The following RAP2A variants were observed in gnomAD, a reference collection of about 807,000 sequenced individuals.
The protein encoded by RAP2A is ras-related protein Rap-2a.
In RAP2A, 5 loss-of-function variants were observed where a neutral mutation model predicts 15.1. That is an observed-to-expected ratio of 0.33 (90% CI 0.17 to 0.70). The LOEUF (loss-of-function observed/expected upper bound fraction) is 0.70, where lower values mean the gene tolerates loss of function less well. Among genes scored for constraint, RAP2A ranks in the 30% least tolerant of loss-of-function variants. The pLI is 0.68. For synonymous variants in RAP2A, 110 were observed against 99.7 expected (o/e 1.10, Z -0.62); for missense variants, 111 against 240.3 (o/e 0.46, Z 3.56).
rs2066782028 is a variant in RAP2A, at chr13:97,468,452, C to T, written c.*4010C>T. The T allele has an allele frequency of 6.6e-6, 1 of 152,200 alleles. No homozygotes were observed. Among genetic ancestry groups the T allele is most frequent in the South Asian group, 2.1e-4 (1 of 4,828 alleles). 9.4% of individuals were successfully genotyped at this position (152,200 alleles called of 1,614,324 possible). A position where few individuals can be genotyped will look rare whatever the true frequency, so the allele number is the denominator to read the frequency against. On this transcript the variant is annotated 3_prime_UTR_variant, in exon 2 of 2. Coordinates refer to ENST00000245304, the MANE Select transcript of RAP2A (RefSeq NM_021033.7). ...TAGGGCCTGCTTGTTCTATATGGGG[C>T]CCTATGAAAGTTGACAGATGCTGTT...
At chr13:97,455,358 A>T (rs1389477606) in intron 1 of RAP2A, among the ~76,000 whole-genome samples, 1 of 151,578 alleles carries the variant, frequency 6.6e-6, no homozygotes, top group Non-Finnish European at 1.5e-5. Context: ...TAATTTCAGC[A>T]TCTAGGTCAT....
chr13:97,435,658 G>A (rs923125990), intron 1 of RAP2A, among the ~76,000 whole-genome samples: 1 of 151,942 alleles, frequency 6.6e-6, no homozygotes. Context: ...GATTTAAAAT[G>A]TTTGTTTTCT....
chr13:97,458,019 C>T (rs2066730918), intron 1 of RAP2A, among the ~76,000 whole-genome samples: 1 of 152,110 alleles, frequency 6.6e-6, no homozygotes, highest in South Asian at 2.1e-4. Context: ...CTTTTTAACA[C>T]TAACATTTAA....
chr13:97,436,862 T>A (rs1390451942), intron 1 of RAP2A, among the ~76,000 whole-genome samples: 2 of 152,204 alleles, frequency 1.3e-5, no homozygotes, highest in East Asian at 3.8e-4. Context: ...AAGAACCTCT[T>A]GGACCCTCAC....
At position 97,462,074 on chromosome 13, in the gene RAP2A, T is replaced by C. The variant is rs867258870; in HGVS notation, c.315-2131T>C. ...TATATTTATATATATATTTATATAT[T>C]ATATATATTGTATTTAAACATTCTT... On this transcript the variant is annotated intron_variant, in intron 1 of 1. Coordinates refer to ENST00000245304, the MANE Select transcript of RAP2A (RefSeq NM_021033.7). 9.5e-4 allele frequency among the ~76,000 whole-genome samples: 139 copies of C among 145,918 alleles called. 2 individuals carry two copies. The Middle Eastern group carries it at 0.025, about 27-fold the overall frequency.
At position 97,467,820 on chromosome 13, in the gene RAP2A, G is replaced by A. The variant is rs941364375; in HGVS notation, c.*3378G>A. On this transcript the variant is annotated 3_prime_UTR_variant, in exon 2 of 2. Coordinates refer to ENST00000245304, the MANE Select transcript of RAP2A (RefSeq NM_021033.7). The stretch of plus-strand genomic sequence containing the variant: ...GATATAGTTCACAGTTAATTGTTGC[G>A]CTCTAATACAACTGACCATTTAAAA... 3 of 152,508 alleles carry A rather than the reference G, an allele frequency of 2.0e-5. No individual in the cohort carries two copies. The highest frequency in any genetic ancestry group is 2.1e-4 in the South Asian group (1 of 4,824). The allele number at this position is 152,508 out of a possible 1,614,324, so 9.4% of individuals were successfully genotyped here.
At chr13:97,444,579 G>A (rs778198843) in intron 1 of RAP2A, among the ~76,000 whole-genome samples, 81 of 152,042 alleles carry the variant, frequency 5.3e-4, no homozygotes, top group Non-Finnish European at 1.6e-4. Flanking sequence ...GCATTGCCTT[G>A]GGCATTATAC....
Position 97,449,489 on chromosome 13 carries a change from G to A in RAP2A, c.314+14705G>A, listed in dbSNP as rs143374230. 1.5e-3 allele frequency among the ~76,000 whole-genome samples: 227 copies of A among 152,124 alleles called. 1 individual carries two copies. Among genetic ancestry groups the A allele is most frequent in the East Asian group, 4.5e-3 (23 of 5,162 alleles). On this transcript the variant is annotated intron_variant, in intron 1 of 1. Transcript: ENST00000245304. ...ACTACTGGACTAGACCTGTTGTTGCGGCCTCTCATTACACCTGATCATGCT... is the reference window on the plus strand; with the variant it reads ...ACTACTGGACTAGACCTGTTGTTGCAGCCTCTCATTACACCTGATCATGCT...
chr13:97,435,265 G>A (rs556284713), intron 1 of RAP2A, among the ~76,000 whole-genome samples: 6 of 152,160 alleles, frequency 3.9e-5, no homozygotes, highest in Admixed American at 2.6e-4. Context: ...ATGGTTCCAA[G>A]GCGTTTTACA....
rs993231354 is a variant in RAP2A at position 97,464,488 on chromosome 13, G to A, written c.*46G>A. The stretch of plus-strand genomic sequence containing the variant: ...GGATGGGATTTGCCCAATGTCGTAG[G>A]TGATAGAAAACTCGCCTACTCCACT... On this transcript the variant is annotated 3_prime_UTR_variant, in exon 2 of 2. Transcript: ENST00000245304. 1.3e-6 allele frequency: 2 copies of A among 1,582,436 alleles called. No homozygotes were observed. Among genetic ancestry groups the A allele is most frequent in the African/African-American group, 2.7e-5 (2 of 74,188 alleles).
At chr13:97,461,795 C>T (rs1398269291) in intron 1 of RAP2A, among the ~76,000 whole-genome samples, 3 of 151,502 alleles carry the variant, frequency 2.0e-5, no homozygotes, top group Admixed American at 1.3e-4. Flanking sequence ...AACCCTGTCT[C>T]TACTAAATAT....
At chr13:97,437,779 A>G (rs2153178993) in intron 1 of RAP2A, 1 of 152,352 alleles carries the variant, frequency 6.6e-6, no homozygotes, top group South Asian at 2.1e-4. Flanking sequence ...TGAACATTTA[A>G]CTTCAAGTAC....
chr13:97,437,125 A>G (rs1409604812), intron 1 of RAP2A: 1 of 152,228 alleles, frequency 6.6e-6, no homozygotes, highest in Non-Finnish European at 1.5e-5. Context: ...TTTAAAAATA[A>G]CATAAATATA....
intron 1 of RAP2A, among the ~76,000 whole-genome samples, chr13:97,458,154 T>C (rs1361337646): frequency 2.0e-5 from 3 of 152,186 alleles, no homozygotes; most frequent in Non-Finnish European, 4.4e-5. Context: ...ATCAGTTTTT[T>C]TGACGTTTTG....
chr13:97,467,141 A>T lies in RAP2A; in HGVS notation c.*2699A>T, dbSNP rs1351844028. On this transcript the variant is annotated 3_prime_UTR_variant, in exon 2 of 2. Coordinates refer to ENST00000245304, the MANE Select transcript of RAP2A (RefSeq NM_021033.7). ...CTTTTTCTTTAGCTCTTGTGATAAG[A>T]TTTTCTTTTTTTTACTTTTATACAA... The T allele has an allele frequency of 2.6e-5, 4 of 152,326 alleles. No homozygotes were observed. The highest frequency in any genetic ancestry group is 1.9e-4 in the East Asian group (1 of 5,166). The allele number at this position is 152,326 out of a possible 1,614,324, so 9.4% of individuals were successfully genotyped here. A position where few individuals can be genotyped will look rare whatever the true frequency, so the allele number is the denominator to read the frequency against.
chr13:97,463,680 C>G (rs142389958), intron 1 of RAP2A, among the ~76,000 whole-genome samples: 1 of 152,208 alleles, frequency 6.6e-6, no homozygotes, highest in African/African-American at 2.4e-5. Flanking sequence ...ACCTCTGCCT[C>G]CCAGGTTCAA....
intron 1 of RAP2A, among the ~76,000 whole-genome samples, chr13:97,454,052 C>T (rs371332338): frequency 6.0e-5 from 9 of 150,984 alleles, no homozygotes; most frequent in East Asian, 1.9e-4. Flanking sequence ...TTAGTCTTGT[C>T]GGATCGATGT....
chr13:97,466,341 ATCC>A lies in RAP2A; in HGVS notation c.*1902_*1904del, dbSNP rs1345298956. 3 of 152,158 alleles carry A rather than the reference ATCC, an allele frequency of 2.0e-5. No individual in the cohort carries two copies. The allele number at this position is 152,158 out of a possible 1,614,324, so 9.4% of individuals were successfully genotyped here. On this transcript the variant is annotated 3_prime_UTR_variant, in exon 2 of 2. Transcript: ENST00000245304. ...ACATTCTTCAGTATAATTTTTTATA[ATCC>A]TCAATTATGAACCACCTTGTTTATA...
In RAP2A at chr13:97,468,903, A is replaced by G. The variant is rs1252429685; in HGVS notation, c.*4461A>G. 6.6e-6 allele frequency: 1 copy of G among 152,202 alleles called. No individual in the cohort carries two copies. The highest frequency in any genetic ancestry group is 1.5e-5 in the Non-Finnish European group (1 of 68,028). 9.4% of individuals were successfully genotyped at this position (152,202 alleles called of 1,614,324 possible). The stretch of plus-strand genomic sequence containing the variant: ...GAAAATATATGTAGCTAAAGGAGTA[A>G]GGTGCTGCCCAATTTGGAACCCAAC... On this transcript the variant is annotated 3_prime_UTR_variant, in exon 2 of 2. Coordinates refer to ENST00000245304, the MANE Select transcript of RAP2A (RefSeq NM_021033.7).
Sources: gnomAD v4.1 joint callset for allele counts (sites outside exome capture counted in the v4.1 genomes callset) on GRCh38, gnomAD v4.1.1 for gene constraint, MANE v1.5 for transcripts, NCBI Gene and HGNC (gene_info 2026-07-23, HGNC 2026-07-21) for gene names.